Variants in C4orf51 observed in about 807,000 individuals in gnomAD.
The protein encoded by C4orf51 is chromosome 4 open reading frame 51.
In C4orf51, 25 loss-of-function variants were observed where a neutral mutation model predicts 25.2. That is an observed-to-expected ratio of 0.99 (90% CI 0.72 to 1.39). C4orf51 has a LOEUF of 1.39. Ranked by LOEUF, C4orf51 falls within the 40% of genes most tolerant of loss-of-function variation. The pLI is 0.00. For missense variants in C4orf51, 252 were observed against 239.6 expected, an observed-to-expected ratio of 1.05 and a Z score of -0.34; for synonymous variants, 100 against 84.5, an observed-to-expected ratio of 1.18 and a Z score of -1.01.
At chr4:145,775,650 G>T, downstream of C4orf51, 1 of 1,073,260 alleles carries the variant, frequency 9.3e-7, no homozygotes, top group Non-Finnish European at 1.3e-6. Flanking sequence ...CTCAATCTGA[G>T]CAAAGAAATT....
chr4:145,792,373 A>G, the C4orf51 span, among the ~76,000 whole-genome samples: 1 of 150,744 alleles, frequency 6.6e-6, no homozygotes, highest in Admixed American at 6.6e-5. Flanking sequence ...CAGTTGTCAT[A>G]AGAAAAAAAA....
intron 1 of C4orf51, among the ~76,000 whole-genome samples, chr4:145,738,602 C>T (rs1183874163): frequency 4.0e-5 from 6 of 151,668 alleles, no homozygotes; most frequent in African/African-American, 1.2e-4. Flanking sequence ...CAAGACTGAA[C>T]CATAAGACTA....
rs549267044 is a variant in C4orf51, at chr4:145,731,280, G to C, written c.502-1173G>C. ...CCATTGCCAGTCAGTGTCTGCAGCTGTTCTGGGGAACAGCTGCTTCTCTCT... is the reference window on the plus strand; with the variant it reads ...CCATTGCCAGTCAGTGTCTGCAGCTCTTCTGGGGAACAGCTGCTTCTCTCT... On this transcript the variant is annotated intron_variant, in intron 5 of 5. Coordinates refer to ENST00000438731, the MANE Select transcript of C4orf51 (RefSeq NM_001080531.3). Among the ~76,000 whole-genome samples the C allele has an allele frequency of 3.9e-5, 6 of 152,298 alleles. No individual in the cohort carries two copies. The South Asian group carries it at 1.2e-3, about 32-fold the overall frequency.
At chr4:145,787,775 A>G in the C4orf51 span, among the ~76,000 whole-genome samples, 1 of 152,268 alleles carries the variant, frequency 6.6e-6, no homozygotes, top group East Asian at 1.9e-4. Context: ...GATCAAGTAG[A>G]GGACTCTGAT....
chr4:145,699,334 C>T (rs11728400), intron 2 of C4orf51, among the ~76,000 whole-genome samples: 37,720 of 88,630 alleles, frequency 0.43, 9,143 homozygotes, highest in Middle Eastern at 0.51. Context: ...TGTCCTCCTG[C>T]TCTTTGCTCT....
the C4orf51 span, among the ~76,000 whole-genome samples, chr4:145,789,404 A>AGAC: frequency 1.7e-4 from 26 of 152,336 alleles, no homozygotes; most frequent in Non-Finnish European, 3.1e-4. Flanking sequence ...TATATTAAGG[A>AGAC]GACAGTACAT....
intron 1 of C4orf51, among the ~76,000 whole-genome samples, chr4:145,695,699 G>A (rs1224340601): frequency 1.3e-5 from 2 of 152,156 alleles, no homozygotes; most frequent in Non-Finnish European, 2.9e-5. Flanking sequence ...CCACCATAGA[G>A]ACACATGCAT....
chr4:145,705,608 T>A (rs1157256714), intron 2 of C4orf51, among the ~76,000 whole-genome samples: 5 of 152,162 alleles, frequency 3.3e-5, no homozygotes, highest in Admixed American at 3.3e-4. Context: ...ATGGCAGAGC[T>A]GATTCCATGA....
chr4:145,787,943 G>A, the C4orf51 span, among the ~76,000 whole-genome samples: 1 of 152,116 alleles, frequency 6.6e-6, no homozygotes, highest in Admixed American at 6.5e-5. Context: ...AGATCAAGGA[G>A]GAATCTTAAC....
At chr4:145,779,302 C>T in the C4orf51 span, 38 of 1,538,884 alleles carry the variant, frequency 2.5e-5, no homozygotes, top group Middle Eastern at 2.1e-4. Context: ...CTTAGAGAAA[C>T]TCAGTTTCCG....
the C4orf51 span, among the ~76,000 whole-genome samples, chr4:145,781,218 G>GAAAAAA: frequency 2.8e-5 from 2 of 70,852 alleles, no homozygotes; most frequent in African/African-American, 1.1e-4. Context: ...AAAAAAAAAA[G>GAAAAAA]AAAAAAAAAG....
At chr4:145,747,688 C>CCCTT (rs376184100) in intron 1 of C4orf51, among the ~76,000 whole-genome samples, 7 of 132,902 alleles carry the variant, frequency 5.3e-5, no homozygotes, top group African/African-American at 1.7e-4. Context: ...CTCCCTCCCT[C>CCCTT]CCTTCCTTCC....
chr4:145,692,910 C>A (rs958555342), intron 1 of C4orf51, among the ~76,000 whole-genome samples: 2 of 142,168 alleles, frequency 1.4e-5, no homozygotes, highest in Non-Finnish European at 3.0e-5. Context: ...ATACACACTG[C>A]ATCTGTGAGT....
In C4orf51 at chr4:145,761,649, A is replaced by T. The variant is rs2126843338; in HGVS notation, n.167-9339A>T. On this transcript the variant is annotated intron_variant and non_coding_transcript_variant, in intron 1 of 1. Coordinates refer to the C4orf51 transcript ENST00000510096. The surrounding 1 kb of genome is among the most constrained non-coding windows in gnomAD (Gnocchi z 6.8). ...GGTTCAGCCGGGAAGGTTCGGAGGC[A>T]GCCGCGCTTCTCGCCGCCTCACCAG... 1 of 1,132,040 alleles carries T rather than the reference A, an allele frequency of 8.8e-7. No individual in the cohort carries two copies. Among genetic ancestry groups the T allele is most frequent in the East Asian group, 5.9e-5 (1 of 16,906 alleles). 70.1% of individuals were successfully genotyped at this position (1,132,040 alleles called of 1,614,324 possible).
At chr4:145,728,994 C>T (rs147764375) in intron 3 of C4orf51, among the ~76,000 whole-genome samples, 175 bp from the exon 4 acceptor site, 53 of 151,980 alleles carry the variant, frequency 3.5e-4, no homozygotes, top group Admixed American at 2.0e-3. Context: ...AATCTCCTGC[C>T]TCAGCCTCCC....
chr4:145,683,054 A>G (rs909026947), intron 1 of C4orf51, among the ~76,000 whole-genome samples: 6 of 152,158 alleles, frequency 3.9e-5, no homozygotes, highest in African/African-American at 1.4e-4. Context: ...TTATAGCAAG[A>G]TTGCAGAATA....
chr4:145,733,022 T>C (rs1030351061), downstream of C4orf51, among the ~76,000 whole-genome samples: 1 of 152,120 alleles, frequency 6.6e-6, no homozygotes, highest in Non-Finnish European at 1.5e-5. Flanking sequence ...GCGAATTGGC[T>C]CCGACAGTCG....
intron 2 of C4orf51, among the ~76,000 whole-genome samples, chr4:145,723,202 A>G (rs562925139): frequency 6.6e-6 from 1 of 152,212 alleles, no homozygotes; most frequent in Non-Finnish European, 1.5e-5. Flanking sequence ...AGACACTTAT[A>G]CTGGCCAACA....
intron 2 of C4orf51, among the ~76,000 whole-genome samples, chr4:145,725,122 T>A (rs1012712232): frequency 1.7e-4 from 26 of 151,100 alleles, no homozygotes; most frequent in Non-Finnish European, 3.7e-4. Context: ...ATCTCAGAAA[T>A]CACCACTACA....
Sources: gnomAD v4.1 joint callset for allele counts (sites outside exome capture counted in the v4.1 genomes callset) on GRCh38, gnomAD v4.1.1 for gene constraint, Gnocchi (gnomAD v3.1) non-coding constraint, MANE v1.5 for transcripts, NCBI Gene and HGNC (gene_info 2026-07-23, HGNC 2026-07-21) for gene names.